Variants in CAMTA1 observed in about 807,000 individuals in gnomAD.
CAMTA1 encodes the protein calmodulin-binding transcription activator 1.
A neutral mutation model predicts 170.9 loss-of-function variants in CAMTA1; 27 were observed. That is an observed-to-expected ratio of 0.16 (90% CI 0.12 to 0.22). CAMTA1 has a LOEUF of 0.22. Among genes scored for constraint, CAMTA1 ranks in the 10% least tolerant of loss-of-function variants. The pLI, the probability that CAMTA1 is intolerant of heterozygous loss-of-function variation, is 1.00. For synonymous variants in CAMTA1, 833 were observed against 891.5 expected (o/e 0.93, Z 1.17); for missense variants, 1,619 against 2,217.2 (o/e 0.73, Z 5.42).
intron 4 of CAMTA1, among the ~76,000 whole-genome samples, chr1:7,188,746 A>C (rs1215157694): frequency 6.6e-6 from 1 of 152,176 alleles, no homozygotes; most frequent in Non-Finnish European, 1.5e-5. Flanking sequence ...CCTTTTGGCT[A>C]TGTGAACAAT....
chr1:7,105,692 C>T (rs928675787), intron 4 of CAMTA1, among the ~76,000 whole-genome samples: 2 of 152,190 alleles, frequency 1.3e-5, no homozygotes, highest in Admixed American at 6.5e-5. Context: ...CCTGTAATCT[C>T]AGCACTTTGG....
At chr1:7,453,267 AGAAT>A (rs1385113264) in intron 5 of CAMTA1, among the ~76,000 whole-genome samples, 1 of 152,240 alleles carries the variant, frequency 6.6e-6, no homozygotes, top group Non-Finnish European at 1.5e-5. Flanking sequence ...CACATGGCCC[AGAAT>A]GAGCCACACG....
rs1410334023 is a variant in CAMTA1 at position 7,014,989 on chromosome 1, G to C, written c.235-76315G>C. On this transcript the variant is annotated intron_variant, in intron 3 of 22. Transcript: ENST00000303635. The surrounding 1 kb of genome is among the most constrained non-coding windows in gnomAD (Gnocchi z 4.2). ...TGTACATTGTCCTCCAACTCTGAGA[G>C]CCTCTGATCCTATTATTCCAAGTCA... 6.6e-6 allele frequency among the ~76,000 whole-genome samples: 1 copy of C among 152,190 alleles called. No individual in the cohort carries two copies. Among genetic ancestry groups the C allele is most frequent in the African/African-American group, 2.4e-5 (1 of 41,450 alleles).
At chr1:7,489,683 C>T (rs1265669271) in intron 6 of CAMTA1, among the ~76,000 whole-genome samples, 1 of 152,174 alleles carries the variant, frequency 6.6e-6, no homozygotes, top group African/African-American at 2.4e-5. Context: ...AATACACACT[C>T]GTTAAAGTGG....
chr1:7,117,612 CT>C (rs1168669364), intron 4 of CAMTA1, among the ~76,000 whole-genome samples: 1 of 152,172 alleles, frequency 6.6e-6, no homozygotes, highest in Non-Finnish European at 1.5e-5. Flanking sequence ...TGGCTCCCCC[CT>C]AGTGGGCACG....
At chr1:7,320,586 G>C (rs538328073) in intron 5 of CAMTA1, among the ~76,000 whole-genome samples, 18 of 149,990 alleles carry the variant, frequency 1.2e-4, no homozygotes, top group African/African-American at 3.9e-4. Flanking sequence ...CCACTCCCCT[G>C]CTTCCTTTAG....
At chr1:7,475,750 AG>A in intron 6 of CAMTA1, among the ~76,000 whole-genome samples, 1 of 152,338 alleles carries the variant, frequency 6.6e-6, no homozygotes, top group South Asian at 2.1e-4. Flanking sequence ...GAAACAGGGC[AG>A]GGGTGAGTTC....
chr1:6,884,335 C>A (rs950495), intron 3 of CAMTA1, among the ~76,000 whole-genome samples: 1,709 of 143,958 alleles, frequency 0.012, 16 homozygotes, highest in South Asian at 0.029. Flanking sequence ...CACACACACA[C>A]AATTTTGTTT....
chr1:7,587,121 T>A (rs2095316864), intron 6 of CAMTA1, among the ~76,000 whole-genome samples: 1 of 151,942 alleles, frequency 6.6e-6, no homozygotes, highest in Admixed American at 6.5e-5. Flanking sequence ...CTGCACGCCT[T>A]CCCTTCCCCA....
intron 3 of CAMTA1, among the ~76,000 whole-genome samples, chr1:6,990,777 C>T (rs976938750): frequency 1.6e-5 from 2 of 122,034 alleles, no homozygotes; most frequent in Non-Finnish European, 3.4e-5. Context: ...TGTACTTTCT[C>T]TCTCTCTGTC....
intron 3 of CAMTA1, among the ~76,000 whole-genome samples, chr1:6,976,374 T>C (rs1312087003): frequency 6.6e-6 from 1 of 152,066 alleles, no homozygotes; most frequent in Admixed American, 6.5e-5. Flanking sequence ...GAGGATTGTG[T>C]GGTGGCTGAT....
chr1:7,565,037 C>A lies in CAMTA1; in HGVS notation c.511-75363C>A, dbSNP rs2095021946. On this transcript the variant is annotated intron_variant, in intron 6 of 22. Transcript: ENST00000303635. The surrounding 1 kb of genome is among the most constrained non-coding windows in gnomAD (Gnocchi z 4.5). ...GATCAAGGTGGATGGGGGGTGGGAG[C>A]AGAAGGGCAAGGCCCCTCAGGGAGG... is the stretch of plus-strand genomic sequence containing the variant. Among the ~76,000 whole-genome samples, 1 of 151,804 alleles carries A rather than the reference C, an allele frequency of 6.6e-6. No homozygotes were observed. The highest frequency in any genetic ancestry group is 2.4e-5 in the African/African-American group (1 of 41,314).
intron 3 of CAMTA1, among the ~76,000 whole-genome samples, chr1:6,951,511 C>T (rs1688476170): frequency 6.6e-6 from 1 of 152,150 alleles, no homozygotes; most frequent in Non-Finnish European, 1.5e-5. Flanking sequence ...TCCGTTTTCT[C>T]CTCCATAAAA....
intron 3 of CAMTA1, among the ~76,000 whole-genome samples, chr1:6,912,110 G>T (rs1285025486): frequency 2.0e-5 from 3 of 152,244 alleles, no homozygotes; most frequent in Non-Finnish European, 4.4e-5. Context: ...GGGCTGAGCA[G>T]TGTGAGCCTG....
intron 4 of CAMTA1, among the ~76,000 whole-genome samples, chr1:7,142,589 C>T (rs751984581): frequency 2.6e-5 from 4 of 152,158 alleles, no homozygotes; most frequent in Non-Finnish European, 4.4e-5. Context: ...GTCATCCTTG[C>T]GGTAATGAGT....
chr1:7,755,739 C>A, intron 22 of CAMTA1, 71 bp downstream of exon 22: 1 of 1,287,536 alleles, frequency 7.8e-7, no homozygotes. Flanking sequence ...TGCTTGCTTG[C>A]ATGAGGCTGC....
chr1:6,932,596 T>C (rs753994432), intron 3 of CAMTA1, among the ~76,000 whole-genome samples: 4 of 152,256 alleles, frequency 2.6e-5, no homozygotes, highest in Non-Finnish European at 4.4e-5. Context: ...GACCACGCTG[T>C]TTTCTATCCC....
chr1:7,478,133 C>T (rs1339493387), intron 6 of CAMTA1, among the ~76,000 whole-genome samples: 1 of 152,230 alleles, frequency 6.6e-6, no homozygotes, highest in Non-Finnish European at 1.5e-5. Flanking sequence ...TGGCTGTTTT[C>T]ACCCCACCAG....
chr1:6,846,576 A>T (rs142053094), intron 3 of CAMTA1, among the ~76,000 whole-genome samples: 2 of 152,268 alleles, frequency 1.3e-5, no homozygotes, highest in Admixed American at 1.3e-4. Flanking sequence ...AGCTGTAGTT[A>T]CGAAGACTTC....
Sources: gnomAD v4.1 joint callset for allele counts (sites outside exome capture counted in the v4.1 genomes callset) on GRCh38, gnomAD v4.1.1 for gene constraint, Gnocchi (gnomAD v3.1) non-coding constraint, MANE v1.5 for transcripts, NCBI Gene and HGNC (gene_info 2026-07-23, HGNC 2026-07-21) for gene names.